ZNF131: variants seen among roughly 807,000 people sequenced by gnomAD.
The protein encoded by ZNF131 is zinc finger protein 131.
In ZNF131, 7 loss-of-function variants were observed where a neutral mutation model predicts 60.0. The observed-to-expected ratio is 0.12, with a 90% CI of 0.07 to 0.22. The LOEUF is 0.22. Among genes scored for constraint, ZNF131 ranks in the 10% least tolerant of loss-of-function variants. The pLI is 1.00. For synonymous variants in ZNF131, 257 were observed against 253.2 expected, an observed-to-expected ratio of 1.01 and a Z score of -0.14; for missense variants, 493 against 740.9, an observed-to-expected ratio of 0.67 and a Z score of 3.88.
Position 43,156,979 on chromosome 5 carries a change from A to G in ZNF131, c.372-4270A>G, listed in dbSNP as rs73751044. 4.1e-3 allele frequency among the ~76,000 whole-genome samples: 624 copies of G among 152,240 alleles called. 6 individuals are homozygous for G. The highest frequency in any genetic ancestry group is 0.014 in the African/African-American group (595 of 41,538). ...AAAGGTTAGGGAGCTTTTCAGCAGC[A>G]TTGACCACAAGAATTCGTATTACTT... On this transcript the variant is annotated intron_variant, in intron 4 of 6. Transcript: ENST00000682664.
chr5:43,122,962 A>G (rs540042294), intron 2 of ZNF131, among the ~76,000 whole-genome samples: 1 of 152,184 alleles, frequency 6.6e-6, no homozygotes, highest in Non-Finnish European at 1.5e-5. Flanking sequence ...CTCCTTACCT[A>G]GTGTTGTAAA....
intron 3 of ZNF131, among the ~76,000 whole-genome samples, chr5:43,135,079 A>G (rs1393889269): frequency 2.0e-5 from 3 of 149,168 alleles, no homozygotes; most frequent in African/African-American, 5.0e-5. Context: ...GCTCCCCCCA[A>G]CCTCCGCCTC....
chr5:43,140,443 C>T (rs895904790), intron 4 of ZNF131, among the ~76,000 whole-genome samples: 5 of 152,142 alleles, frequency 3.3e-5, no homozygotes, highest in Non-Finnish European at 7.3e-5. Context: ...AATAACGGTA[C>T]TTTCTACATG....
intron 5 of ZNF131, among the ~76,000 whole-genome samples, chr5:43,169,570 A>G (rs141680256): frequency 8.5e-5 from 13 of 152,340 alleles, no homozygotes; most frequent in African/African-American, 3.1e-4. Context: ...TTTAAAAAAT[A>G]TATGGAACAT....
intron 4 of ZNF131, among the ~76,000 whole-genome samples, chr5:43,151,798 CA>C (rs774003449): frequency 2.0e-5 from 3 of 152,106 alleles, no homozygotes; most frequent in Non-Finnish European, 2.9e-5. Flanking sequence ...AGCACAGTCC[CA>C]GGGGCACATA....
Position 43,121,907 on chromosome 5 carries a change from TTCTC to T in ZNF131, c.-15-129_-15-126del. The T allele has an allele frequency of 3.9e-6, 4 of 1,027,780 alleles. No homozygotes were observed. The Middle Eastern group carries it at 9.7e-4, about 248-fold the overall frequency. The allele number at this position is 1,027,780 out of a possible 1,614,324, so 63.7% of individuals were successfully genotyped here. On this transcript the variant is annotated intron_variant, in intron 1 of 6. Transcript: ENST00000682664. ...TCGGCTCGCCTTTCTTCCCTCGCCT[TTCTC>T]TCCTCTTGCTTCACCCTCCCCCCTT...
In ZNF131 at chr5:43,164,328, T is replaced by C. The variant is rs547052954; in HGVS notation, c.1054+2397T>C. Among the ~76,000 whole-genome samples the C allele has an allele frequency of 1.7e-3, 253 of 152,340 alleles. 1 individual carries two copies. The highest frequency in any genetic ancestry group is 5.9e-3 in the African/African-American group (246 of 41,582). On this transcript the variant is annotated intron_variant, in intron 5 of 6. Coordinates refer to ENST00000682664, the MANE Select transcript of ZNF131 (RefSeq NM_001330707.2). ...TTGCTATACGAACCAATCCCCCGCATATACCAAGGGACGCCTACCTGTTTT... is the reference window on the plus strand; with the variant it reads ...TTGCTATACGAACCAATCCCCCGCACATACCAAGGGACGCCTACCTGTTTT...
rs113177735 is a variant in ZNF131, at chr5:43,162,294, A to G, written c.1054+363A>G. On this transcript the variant is annotated intron_variant, in intron 5 of 6. Coordinates refer to ENST00000682664, the MANE Select transcript of ZNF131 (RefSeq NM_001330707.2). ...GTGTCGTGTTACTTACAGTACATTT[A>G]CAAGCAATCCCTGACAGCCAGGCGC... Among the ~76,000 whole-genome samples the G allele has an allele frequency of 7.8e-3, 1,190 of 152,334 alleles. 18 individuals carry two copies. Among genetic ancestry groups the G allele is most frequent in the African/African-American group, 0.027 (1,138 of 41,574 alleles).
chr5:43,174,020 G>T (rs1455565342), intron 6 of ZNF131, among the ~76,000 whole-genome samples: 1 of 152,176 alleles, frequency 6.6e-6, no homozygotes, highest in African/African-American at 2.4e-5. Context: ...CTGAGGTCAG[G>T]AGTTCAAGAC....
At chr5:43,125,448 C>T (rs939547192) in intron 3 of ZNF131, among the ~76,000 whole-genome samples, 2 of 151,500 alleles carry the variant, frequency 1.3e-5, no homozygotes, top group Non-Finnish European at 2.9e-5. Flanking sequence ...CGTGAGACCA[C>T]GACTGGCCAA....
At chr5:43,166,771 C>G (rs1363537368) in intron 5 of ZNF131, among the ~76,000 whole-genome samples, 1 of 152,120 alleles carries the variant, frequency 6.6e-6, no homozygotes, top group East Asian at 1.9e-4. Context: ...TTCTCTGCCT[C>G]AGCCTCCCGA....
intron 5 of ZNF131, 141 bp from the exon 6 acceptor site, chr5:43,173,177 A>T: frequency 1.1e-6 from 1 of 921,914 alleles, no homozygotes; most frequent in Non-Finnish European, 1.5e-6. Context: ...ATATGGTGAA[A>T]ATATTTGAAT....
At chr5:43,163,813 C>CT (rs1300688579) in intron 5 of ZNF131, among the ~76,000 whole-genome samples, 1 of 152,182 alleles carries the variant, frequency 6.6e-6, no homozygotes, top group Non-Finnish European at 1.5e-5. Context: ...TATTCAGAAT[C>CT]TTTCTCTTTG....
chr5:43,172,147 A>G (rs1343007613), intron 5 of ZNF131, among the ~76,000 whole-genome samples: 2 of 152,156 alleles, frequency 1.3e-5, no homozygotes, highest in Non-Finnish European at 2.9e-5. Flanking sequence ...ATCCAATTAC[A>G]TCACTGGTTA....
intron 4 of ZNF131, among the ~76,000 whole-genome samples, chr5:43,159,909 C>T (rs10057386): frequency 0.065 from 9,766 of 151,284 alleles, 611 homozygotes; most frequent in African/African-American, 0.17. Flanking sequence ...GCGCGGTGGC[C>T]CACGCCTGTA....
chr5:43,147,029 A>G (rs922313695), intron 4 of ZNF131, among the ~76,000 whole-genome samples: 3 of 152,190 alleles, frequency 2.0e-5, no homozygotes, highest in Admixed American at 6.6e-5. Flanking sequence ...CTCTAGCCCC[A>G]GGCAATCATT....
At chr5:43,158,971 G>A (rs1029270694) in intron 4 of ZNF131, among the ~76,000 whole-genome samples, 18 of 152,000 alleles carry the variant, frequency 1.2e-4, no homozygotes, top group Non-Finnish European at 1.3e-4. Flanking sequence ...GAAGAAGATA[G>A]AAGACTTCTG....
chr5:43,142,070 G>A (rs114593776), intron 4 of ZNF131, among the ~76,000 whole-genome samples: 27,208 of 151,172 alleles, frequency 0.18, 2,852 homozygotes, highest in Middle Eastern at 0.33. Context: ...GCCTGGGCAC[G>A]GTGGCTCACA....
chr5:43,146,836 G>A (rs1290608583), intron 4 of ZNF131, among the ~76,000 whole-genome samples: 5 of 152,070 alleles, frequency 3.3e-5, no homozygotes, highest in Admixed American at 2.0e-4. Flanking sequence ...AACCCTGGTG[G>A]TAGAGGTTGC....
Sources: allele counts gnomAD v4.1 joint callset (sites outside exome capture counted in the v4.1 genomes callset), GRCh38; gene constraint gnomAD v4.1.1; transcripts MANE v1.5; gene names NCBI Gene and HGNC (gene_info 2026-07-23, HGNC 2026-07-21).